The following TRIM14 variants were observed in gnomAD, a reference collection of about 807,000 sequenced individuals.
TRIM14 encodes tripartite motif-containing protein 14.
In TRIM14, 28 loss-of-function variants were observed where a neutral mutation model predicts 44.5. That is an observed-to-expected ratio of 0.63 (90% confidence interval 0.47 to 0.86). The LOEUF is 0.86. TRIM14 is among the 40% of genes least tolerant of loss of function. The pLI, the probability that TRIM14 is intolerant of heterozygous loss-of-function variation, is 0.00. For missense variants in TRIM14, 607 were observed against 611.1 expected (o/e 0.99, Z 0.07); for synonymous variants, 299 against 269.2 (o/e 1.11, Z -1.08).
At position 98,091,993 on chromosome 9, in the gene TRIM14, AGTTT is replaced by A; in HGVS notation, c.705_708del (p.Asn236AlafsTer15). 6 of 1,607,680 alleles carry A rather than the reference AGTTT, an allele frequency of 3.7e-6. No individual in the cohort carries two copies. The highest frequency in any genetic ancestry group is 5.1e-6 in the Non-Finnish European group (6 of 1,175,686). Reference sequence around the variant, plus strand: ...GTGCTGGAAGGGTCTGAGAGCTGGCAGTTTATGCCTGTAAGGAATTGTTGAGAAA... The same window carrying A: ...GTGCTGGAAGGGTCTGAGAGCTGGCAATGCCTGTAAGGAATTGTTGAGAAA... On this transcript the variant is annotated frameshift_variant, in exon 5 of 6. Coordinates refer to ENST00000341469, the MANE Select transcript of TRIM14 (RefSeq NM_014788.4). LOFTEE classifies it high-confidence loss of function.
At chr9:98,038,547 C>A in the TRIM14 span, among the ~76,000 whole-genome samples, 1 of 152,104 alleles carries the variant, frequency 6.6e-6, no homozygotes, top group Non-Finnish European at 1.5e-5. Flanking sequence ...TTTATTTAGT[C>A]ACAAATGAGC....
the TRIM14 span, among the ~76,000 whole-genome samples, chr9:98,050,867 G>A: frequency 6.6e-6 from 1 of 152,064 alleles, no homozygotes; most frequent in Admixed American, 6.6e-5. Flanking sequence ...TCCACCTCCT[G>A]GGTTTAAGCG....
chr9:98,111,081 C>T (rs1248893438), intron 1 of TRIM14, among the ~76,000 whole-genome samples: 6 of 150,712 alleles, frequency 4.0e-5, no homozygotes, highest in Non-Finnish European at 8.9e-5. Context: ...TTATCAGGTG[C>T]TGCTAGCTTC....
At chr9:98,063,120 G>T in the TRIM14 span, among the ~76,000 whole-genome samples, 2 of 151,618 alleles carry the variant, frequency 1.3e-5, no homozygotes, top group African/African-American at 4.9e-5. Context: ...TGGAGACAGG[G>T]TTTCACCATG....
the TRIM14 span, among the ~76,000 whole-genome samples, chr9:98,036,548 T>C: frequency 2.0e-5 from 3 of 148,310 alleles, no homozygotes; most frequent in Admixed American, 2.0e-4. Context: ...ACATCTGTAA[T>C]CCCAGCACTT....
intron 2 of TRIM14, among the ~76,000 whole-genome samples, chr9:98,109,112 G>A (rs888496504): frequency 6.6e-6 from 1 of 151,988 alleles, no homozygotes; most frequent in Admixed American, 6.6e-5. Flanking sequence ...TCGAACTCCT[G>A]GGCTCAAGTG....
At chr9:98,057,265 A>G in the TRIM14 span, among the ~76,000 whole-genome samples, 2 of 152,192 alleles carry the variant, frequency 1.3e-5, no homozygotes, top group African/African-American at 4.8e-5. Flanking sequence ...GCCCGCGGGT[A>G]GAGTCGAAAC....
At chr9:98,080,979 C>T, downstream of TRIM14, 6 of 1,614,196 alleles carry the variant, frequency 3.7e-6, no homozygotes, top group Non-Finnish European at 5.1e-6. Context: ...TCGCTGGAGC[C>T]TGGAGAACTG....
At chr9:98,065,870 T>A (rs981658400), downstream of TRIM14, among the ~76,000 whole-genome samples, 2 of 152,112 alleles carry the variant, frequency 1.3e-5, no homozygotes, top group African/African-American at 2.4e-5. Context: ...TCTTCCTCAT[T>A]TTCTCTTGCT....
Position 98,095,565 on chromosome 9 carries a change from G to A in TRIM14, c.538-536C>T, listed in dbSNP as rs558984297. On this transcript the variant is annotated intron_variant, in intron 3 of 5. Coordinates refer to ENST00000341469, the MANE Select transcript of TRIM14 (RefSeq NM_014788.4). This position sits in a 1 kb window ranked among gnomAD's most constrained non-coding sequence, Gnocchi z 4.1. ...TGCTGACTGAGGGGGTGTGGCCACC[G>A]CAGGGGACATGTGTCCTGTTTTGCA... Among the ~76,000 whole-genome samples the A allele has an allele frequency of 6.6e-5, 10 of 152,316 alleles. No homozygotes were observed. In the South Asian group the frequency reaches 1.9e-3, roughly 28 times the overall value.
chr9:98,081,168 C>A, downstream of TRIM14: 1 of 1,543,036 alleles, frequency 6.5e-7, no homozygotes. Flanking sequence ...AGGACCAGCC[C>A]TCCCTGAGCC....
chr9:98,082,717 G>C (rs975313583), downstream of TRIM14: 32 of 741,766 alleles, frequency 4.3e-5, no homozygotes, highest in South Asian at 5.5e-4. Context: ...AGCAGTGTAG[G>C]GGGCAACAGA....
At chr9:98,112,320 T>C (rs1365069991) in intron 1 of TRIM14, among the ~76,000 whole-genome samples, 1 of 152,200 alleles carries the variant, frequency 6.6e-6, no homozygotes, top group Non-Finnish European at 1.5e-5. Context: ...ATTTTTCTTT[T>C]GCATGAGAGA....
At chr9:98,118,184 CAG>C (rs1827121570) in intron 1 of TRIM14, among the ~76,000 whole-genome samples, 1 of 152,044 alleles carries the variant, frequency 6.6e-6, no homozygotes, top group African/African-American at 2.4e-5. Context: ...TCATGAAACC[CAG>C]AGAGAGAGAA....
At chr9:98,082,751 T>G, downstream of TRIM14, 1 of 1,205,576 alleles carries the variant, frequency 8.3e-7, no homozygotes, top group South Asian at 1.4e-5. Context: ...AGGTACTGCC[T>G]GGGGAAGACT....
At chr9:98,117,836 A>G (rs1827109921) in intron 1 of TRIM14, among the ~76,000 whole-genome samples, 1 of 152,164 alleles carries the variant, frequency 6.6e-6, no homozygotes, top group African/African-American at 2.4e-5. Context: ...GGACAAATGG[A>G]TGGGTGAGAC....
chr9:98,060,737 A>T, the TRIM14 span: 7 of 1,581,580 alleles, frequency 4.4e-6, no homozygotes, highest in Admixed American at 1.7e-5. Context: ...CCTTTTTTTG[A>T]GAATCTACGA....
At chr9:98,090,795 C>G (rs1825967171) in intron 5 of TRIM14, among the ~76,000 whole-genome samples, 1 of 152,166 alleles carries the variant, frequency 6.6e-6, no homozygotes, top group South Asian at 2.1e-4. Context: ...AACTGCTGAC[C>G]TCAAGTGATC....
intron 5 of TRIM14, among the ~76,000 whole-genome samples, chr9:98,090,316 G>A (rs1707317384): frequency 6.6e-6 from 1 of 152,156 alleles, no homozygotes; most frequent in East Asian, 1.9e-4. Context: ...TTGAGTGAAA[G>A]AAGCAAAACA....
Sources: gnomAD v4.1 joint callset for allele counts (sites outside exome capture counted in the v4.1 genomes callset) on GRCh38, gnomAD v4.1.1 for gene constraint, Gnocchi (gnomAD v3.1) non-coding constraint, MANE v1.5 for transcripts, NCBI Gene and HGNC (gene_info 2026-07-23, HGNC 2026-07-21) for gene names.